Variants in PRRX2 observed in about 807,000 individuals in gnomAD.
PRRX2 encodes the protein paired mesoderm homeobox protein 2.
PRRX2 carries 11 observed loss-of-function variants against 18.0 expected under a neutral mutation model. The ratio of observed to expected loss-of-function variants is 0.61; its 90% CI spans 0.39 to 1.01. The LOEUF (loss-of-function observed/expected upper bound fraction) is 1.01. PRRX2 is among the 50% of genes least tolerant of loss of function. The pLI, the probability that PRRX2 is intolerant of heterozygous loss-of-function variation, is 0.01. For synonymous variants in PRRX2, 177 were observed against 154.8 expected (o/e 1.14, Z -1.06); for missense variants, 387 against 351.0 (o/e 1.10, Z -0.82).
chr9:129,720,924 G>A lies in PRRX2; in HGVS notation c.626+150G>A, dbSNP rs1047839261. 1.6e-4 allele frequency: 148 copies of A among 940,894 alleles called. 1 individual carries two copies. Among genetic ancestry groups the A allele is most frequent in the Admixed American group, 9.2e-4 (25 of 27,116 alleles). 58.3% of individuals were successfully genotyped at this position (940,894 alleles called of 1,614,324 possible). A position where few individuals can be genotyped will look rare whatever the true frequency, so the allele number is the denominator to read the frequency against. On this transcript the variant is annotated intron_variant, in intron 3 of 3. Transcript: ENST00000372469. ...TGGGGTACACCAAGTGATGTGTGGC[G>A]AGTGTGCCTGTGAGTGGGTGTTCAC...
At chr9:129,673,553 C>T (rs17417337) in intron 1 of PRRX2, among the ~76,000 whole-genome samples, 9 of 152,114 alleles carry the variant, frequency 5.9e-5, no homozygotes, top group African/African-American at 1.4e-4. Context: ...CTCATTTTGT[C>T]GGTGAAAACT....
At chr9:129,679,366 G>A (rs1832200386) in intron 1 of PRRX2, among the ~76,000 whole-genome samples, 1 of 152,004 alleles carries the variant, frequency 6.6e-6, no homozygotes, top group South Asian at 2.1e-4. Context: ...TGGCTGTGAG[G>A]GCCCACCTCC....
In PRRX2 at chr9:129,720,767, C is replaced by A. The variant is rs552481765; in HGVS notation, c.619C>A (p.Pro207Thr). 9.5e-6 allele frequency: 15 copies of A among 1,585,248 alleles called. No individual in the cohort carries two copies. The highest frequency in any genetic ancestry group is 2.7e-5 in the African/African-American group (2 of 74,096). The stretch of plus-strand genomic sequence containing the variant: ...TTATCTCTCCTGGACAGCCTCGTCC[C>A]CCTACAGGTGAGAGCGGGAACACCT... ...PDYLSWTASSPYSTVPPYSPG... is the reference protein window; with the variant it reads ...PDYLSWTASSTYSTVPPYSPG... Residue 207 changes from proline to threonine, a missense_variant, in exon 3 of 4, where the codon CCC (proline) becomes ACC (threonine). Pro to Thr is a conservative substitution (Grantham distance 38). Transcript: ENST00000372469.
intron 1 of PRRX2, among the ~76,000 whole-genome samples, chr9:129,684,342 G>GGGT (rs1832269598): frequency 1.3e-5 from 2 of 151,826 alleles, no homozygotes; most frequent in Non-Finnish European, 2.9e-5. Flanking sequence ...CTTAAGCAAT[G>GGGT]ACACTGGGGC....
At chr9:129,721,279 T>G (rs1832788205) in intron 3 of PRRX2, among the ~76,000 whole-genome samples, 1 of 152,148 alleles carries the variant, frequency 6.6e-6, no homozygotes, top group Admixed American at 6.5e-5. Flanking sequence ...ATGGTCTCCC[T>G]GGCCTGCGGG....
intron 2 of PRRX2, 79 bp from the exon 3 acceptor site, chr9:129,720,517 G>C: frequency 7.2e-7 from 1 of 1,389,286 alleles, no homozygotes; most frequent in Non-Finnish European, 9.8e-7. Context: ...GCTGGTGACA[G>C]AGCAGGCACA....
intron 1 of PRRX2, among the ~76,000 whole-genome samples, chr9:129,672,643 A>G (rs1240195239): frequency 1.3e-5 from 2 of 152,134 alleles, no homozygotes; most frequent in African/African-American, 4.8e-5. Context: ...GGCCTGGGTC[A>G]TGTCCCAAGT....
chr9:129,710,428 C>A (rs975884542), intron 1 of PRRX2, among the ~76,000 whole-genome samples: 3 of 152,198 alleles, frequency 2.0e-5, no homozygotes, highest in Non-Finnish European at 4.4e-5. Context: ...TTGAGGCCAG[C>A]TTGGCCTGAT....
rs148820218 is a variant in PRRX2 at position 129,698,104 on chromosome 9, G to C, written c.260-21127G>C. Among the ~76,000 whole-genome samples, 1,378 of 152,132 alleles carry C rather than the reference G, an allele frequency of 9.1e-3. 8 individuals carry two copies. The highest frequency in any genetic ancestry group is 0.014 in the Non-Finnish European group (942 of 68,002). Reference sequence around the variant, plus strand: ...CCTGGTCCTGGCTGCTGTCAGCACCGAGCCTTCCCGTCCCCAGGCAGCTTC... The same window carrying C: ...CCTGGTCCTGGCTGCTGTCAGCACCCAGCCTTCCCGTCCCCAGGCAGCTTC... On this transcript the variant is annotated intron_variant, in intron 1 of 3. Coordinates refer to ENST00000372469, the MANE Select transcript of PRRX2 (RefSeq NM_016307.4).
At chr9:129,707,173 T>A (rs1012411115) in intron 1 of PRRX2, among the ~76,000 whole-genome samples, 10 of 152,054 alleles carry the variant, frequency 6.6e-5, no homozygotes, top group African/African-American at 2.2e-4. Context: ...GGAGAATCGC[T>A]TGAACCCAGG....
intron 1 of PRRX2, among the ~76,000 whole-genome samples, chr9:129,714,519 C>T (rs143235024): frequency 3.3e-5 from 5 of 152,180 alleles, no homozygotes; most frequent in Non-Finnish European, 7.3e-5. Flanking sequence ...CTGTCCCAAC[C>T]GGCTCTGGCT....
At chr9:129,693,368 C>T (rs1259513859) in intron 1 of PRRX2, among the ~76,000 whole-genome samples, 2 of 152,224 alleles carry the variant, frequency 1.3e-5, no homozygotes, top group South Asian at 2.1e-4. Flanking sequence ...CCAAGGCGGG[C>T]GGATCACCTG....
intron 1 of PRRX2, among the ~76,000 whole-genome samples, chr9:129,718,855 A>T (rs1832748746): frequency 6.6e-6 from 1 of 152,110 alleles, no homozygotes; most frequent in South Asian, 2.1e-4. Flanking sequence ...GGGGACACTC[A>T]GGTGTCTCCT....
intron 1 of PRRX2, among the ~76,000 whole-genome samples, chr9:129,710,750 A>G (rs926913657): frequency 6.6e-6 from 1 of 152,024 alleles, no homozygotes; most frequent in Non-Finnish European, 1.5e-5. Context: ...AAACAAAACG[A>G]AAGTCAGCTC....
intron 1 of PRRX2, among the ~76,000 whole-genome samples, chr9:129,711,811 T>A (rs1832625869): frequency 6.6e-6 from 1 of 152,180 alleles, no homozygotes; most frequent in East Asian, 1.9e-4. Flanking sequence ...GGCCACCTCC[T>A]TAACCAGTAG....
intron 1 of PRRX2, among the ~76,000 whole-genome samples, chr9:129,712,122 T>C: frequency 6.6e-6 from 1 of 152,220 alleles, no homozygotes; most frequent in East Asian, 1.9e-4. Context: ...AGGCCCAGTG[T>C]TAATTTGTTA....
chr9:129,722,447 C>A lies in PRRX2; in HGVS notation c.*95C>A. ...GAAGTGACCTTCTCCTGGATGAGCT[C>A]TCCTGGCCCGTCTGTCCAGCCTGGA... On this transcript the variant is annotated 3_prime_UTR_variant, in exon 4 of 4. Coordinates refer to ENST00000372469, the MANE Select transcript of PRRX2 (RefSeq NM_016307.4). The A allele has an allele frequency of 6.9e-7, 1 of 1,454,210 alleles. No homozygotes were observed. Among genetic ancestry groups the A allele is most frequent in the South Asian group, 1.4e-5 (1 of 73,610 alleles). The allele number at this position is 1,454,210 out of a possible 1,614,324, so 90.1% of individuals were successfully genotyped here. A position where few individuals can be genotyped will look rare whatever the true frequency, so the allele number is the denominator to read the frequency against.
At chr9:129,701,417 G>A (rs540739936) in intron 1 of PRRX2, among the ~76,000 whole-genome samples, 1 of 152,344 alleles carries the variant, frequency 6.6e-6, no homozygotes, top group African/African-American at 2.4e-5. Flanking sequence ...CCCACTTACA[G>A]TGGGGACACT....
chr9:129,703,471 AC>A (rs1832522578), intron 1 of PRRX2, among the ~76,000 whole-genome samples: 2 of 152,104 alleles, frequency 1.3e-5, no homozygotes, highest in South Asian at 2.1e-4. Context: ...TCATCCAGAT[AC>A]CAGCCACTTT....
Sources: gnomAD v4.1 joint callset for allele counts (sites outside exome capture counted in the v4.1 genomes callset) on GRCh38, gnomAD v4.1.1 for gene constraint, MANE v1.5 for transcripts, NCBI Gene and HGNC (gene_info 2026-07-23, HGNC 2026-07-21) for gene names.